Variants in CSMD3 observed in about 807,000 individuals in gnomAD.
CSMD3 encodes the protein CUB and Sushi multiple domains 3, also known as CUB and sushi domain-containing protein 3.
A neutral mutation model predicts 435.2 loss-of-function variants in CSMD3; 177 were observed. The ratio of observed to expected loss-of-function variants is 0.41; its 90% CI spans 0.36 to 0.46. The LOEUF is 0.46. Among genes scored for constraint, CSMD3 ranks in the 20% least tolerant of loss-of-function variants. CSMD3 has a pLI of 0.34. For missense variants in CSMD3, 4,265 were observed against 4,504.6 expected, an observed-to-expected ratio of 0.95 and a Z score of 1.52; for synonymous variants, 1,656 against 1,520.5, an observed-to-expected ratio of 1.09 and a Z score of -2.07.
rs76403923 is a variant in CSMD3 at position 113,178,140 on chromosome 8, A to T, written c.515-4224T>A. ...CTGAGTTAACAGTTTGAGAAAGTCA[A>T]ACTTCATTGTTGAGTATCAGCTTTG... On this transcript the variant is annotated intron_variant, in intron 3 of 70. Transcript: ENST00000297405. 7.1e-3 allele frequency among the ~76,000 whole-genome samples: 1,082 copies of T among 152,046 alleles called. 10 individuals carry two copies. The highest frequency in any genetic ancestry group is 0.025 in the African/African-American group (1,040 of 41,544).
intron 6 of CSMD3, among the ~76,000 whole-genome samples, chr8:112,979,259 A>G (rs2084960571): frequency 1.3e-5 from 2 of 151,836 alleles, no homozygotes; most frequent in Admixed American, 1.3e-4. Context: ...GTATAAATGC[A>G]TCTAAACTTA....
At chr8:113,279,202 A>G (rs1316035729) in intron 2 of CSMD3, among the ~76,000 whole-genome samples, 1 of 150,100 alleles carries the variant, frequency 6.7e-6, no homozygotes, top group Non-Finnish European at 1.5e-5. Flanking sequence ...TATTATATAT[A>G]TAGTATAATA....
chr8:112,313,025 C>T (rs17556896), intron 49 of CSMD3, among the ~76,000 whole-genome samples: 28,699 of 151,978 alleles, frequency 0.19, 3,151 homozygotes, highest in Middle Eastern at 0.33. Context: ...ATATCCATGG[C>T]CTCTGACATG....
intron 3 of CSMD3, among the ~76,000 whole-genome samples, chr8:113,187,460 G>A (rs1184185914): frequency 1.3e-5 from 2 of 151,948 alleles, no homozygotes; most frequent in Admixed American, 6.6e-5. Flanking sequence ...TGACCACTCT[G>A]TTTTATTCAC....
chr8:113,159,101 A>T (rs1338339347), intron 4 of CSMD3, among the ~76,000 whole-genome samples: 1 of 151,996 alleles, frequency 6.6e-6, no homozygotes, highest in East Asian at 1.9e-4. Context: ...TGTGGTGAGT[A>T]TAATAAATGT....
intron 22 of CSMD3, among the ~76,000 whole-genome samples, chr8:112,624,717 G>A (rs1390279711): frequency 2.6e-5 from 4 of 151,968 alleles, no homozygotes; most frequent in South Asian, 2.1e-4. Context: ...GTATCACTAT[G>A]TACATGCTGA....
chr8:112,678,774 G>C (rs1052683851), intron 16 of CSMD3, among the ~76,000 whole-genome samples: 20 of 151,984 alleles, frequency 1.3e-4, no homozygotes, highest in African/African-American at 4.6e-4. Flanking sequence ...TAGAAATTTA[G>C]TTGTATTAAC....
intron 3 of CSMD3, among the ~76,000 whole-genome samples, chr8:113,265,748 C>T (rs2093464640): frequency 6.6e-6 from 1 of 151,356 alleles, no homozygotes; most frequent in Non-Finnish European, 1.5e-5. Context: ...TTTACAACTG[C>T]TTAGAAGGTA....
In CSMD3 at chr8:112,254,419, G is replaced by A. The variant is rs537748457; in HGVS notation, c.10037-93C>T. 678 of 859,776 alleles carry A rather than the reference G, an allele frequency of 7.9e-4. 4 individuals are homozygous for A. In the African/African-American group the frequency reaches 9.6e-3, roughly 12 times the overall value. 53.3% of individuals were successfully genotyped at this position (859,776 alleles called of 1,614,324 possible). On this transcript the variant is annotated intron_variant, in intron 62 of 70. Coordinates refer to ENST00000297405, the MANE Select transcript of CSMD3 (RefSeq NM_198123.2). ...ACAATTTTAAATAATCTGGGGTTTGGTACAAAGGATCTAGGAAATAATAAA... is the reference window on the plus strand; with the variant it reads ...ACAATTTTAAATAATCTGGGGTTTGATACAAAGGATCTAGGAAATAATAAA...
Position 113,043,144 on chromosome 8 carries a change from G to A in CSMD3, c.918-23965C>T, listed in dbSNP as rs1013107067. Among the ~76,000 whole-genome samples, 6 of 152,180 alleles carry A rather than the reference G, an allele frequency of 3.9e-5. No individual in the cohort carries two copies. The East Asian group carries it at 1.2e-3, about 29-fold the overall frequency. ...TTGTCACACGAATCTTAAAATCAGT[G>A]GTACTCAAACACATACATAATAGGT... On this transcript the variant is annotated intron_variant, in intron 5 of 70. Coordinates refer to ENST00000297405, the MANE Select transcript of CSMD3 (RefSeq NM_198123.2).
chr8:112,868,553 A>G (rs1220678173), intron 10 of CSMD3, among the ~76,000 whole-genome samples: 1 of 152,148 alleles, frequency 6.6e-6, no homozygotes, highest in East Asian at 1.9e-4. Context: ...AGGTGATATA[A>G]ATTTTTCGGC....
At chr8:112,337,135 T>G (rs1170014407) in intron 43 of CSMD3, among the ~76,000 whole-genome samples, 2 of 152,310 alleles carry the variant, frequency 1.3e-5, no homozygotes, top group African/African-American at 4.8e-5. Flanking sequence ...TTCATTTGCC[T>G]CTTACTATGT....
rs1554791176 is a variant in CSMD3, at chr8:113,153,105, G to GAAAGAAAGA, written c.709+20608_709+20616dup. On this transcript the variant is annotated intron_variant, in intron 4 of 70. Coordinates refer to ENST00000297405, the MANE Select transcript of CSMD3 (RefSeq NM_198123.2). ...GAAAGAAAGAAAGAAAGAAAGAAAA[G>GAAAGAAAGA]AAAGAAAGAAAGAAAGAAAGAGAAA... is the stretch of plus-strand genomic sequence containing the variant. 1.3e-3 allele frequency among the ~76,000 whole-genome samples: 126 copies of GAAAGAAAGA among 98,508 alleles called. 2 individuals are homozygous for GAAAGAAAGA. The highest frequency in any genetic ancestry group is 5.7e-3 in the Middle Eastern group (1 of 176). The allele number at this position is 98,508 out of a possible 152,430, so 64.6% of individuals were successfully genotyped here.
At chr8:112,403,000 G>A (rs1413956537) in intron 35 of CSMD3, among the ~76,000 whole-genome samples, 4 of 152,162 alleles carry the variant, frequency 2.6e-5, no homozygotes. Flanking sequence ...GAGAGTGCAA[G>A]TACCTAAGGG....
rs1420451264 is a variant in CSMD3, at chr8:112,319,970, T to C, written c.7177A>G (p.Arg2393Gly). Residue 2393 changes from arginine (R) to glycine (G), a missense_variant, in exon 46 of 71, where the codon AGG becomes GGG. By Grantham distance (125) the Arg-to-Gly change is moderately radical. Coordinates refer to ENST00000297405, the MANE Select transcript of CSMD3 (RefSeq NM_198123.2). Reference protein sequence around the residue: ...FVLSYHAYQLRVCQPPPPVPN... With the variant: ...FVLSYHAYQLGVCQPPPPVPN... ...ACAGGTGGTGGAGGTTGGCACACCC[T>C]TAGTTGATAGGCTACAAAAATAAAC... 1 of 1,610,508 alleles carries C rather than the reference T, an allele frequency of 6.2e-7. No individual in the cohort carries two copies. The highest frequency in any genetic ancestry group is 8.5e-7 in the Non-Finnish European group (1 of 1,177,004).
chr8:113,210,442 AT>A (rs1283666402), intron 3 of CSMD3, among the ~76,000 whole-genome samples: 4 of 152,156 alleles, frequency 2.6e-5, no homozygotes, highest in Non-Finnish European at 4.4e-5. Context: ...CTCAAACAAC[AT>A]TAAATACGAA....
intron 3 of CSMD3, 125 bp downstream of exon 3, chr8:113,278,467 T>C: frequency 1.5e-6 from 1 of 658,592 alleles, no homozygotes. Context: ...AATAACAAGA[T>C]AAATTTCAGG....
intron 5 of CSMD3, among the ~76,000 whole-genome samples, chr8:113,096,166 C>A (rs1288545195): frequency 6.6e-6 from 1 of 152,090 alleles, no homozygotes; most frequent in African/African-American, 2.4e-5. Context: ...ATCCAACTGT[C>A]CCCTTGAAAT....
At chr8:112,751,875 G>C (rs1254210592) in intron 13 of CSMD3, among the ~76,000 whole-genome samples, 3 of 151,878 alleles carry the variant, frequency 2.0e-5, no homozygotes, top group Admixed American at 6.6e-5. Flanking sequence ...TTGTTACATA[G>C]GTAAACGTGT....
Sources: gnomAD v4.1 joint callset for allele counts (sites outside exome capture counted in the v4.1 genomes callset) on GRCh38, gnomAD v4.1.1 for gene constraint, MANE v1.5 for transcripts, NCBI Gene and HGNC (gene_info 2026-07-23, HGNC 2026-07-21) for gene names.